C12orf42: variants seen among roughly 807,000 people sequenced by gnomAD.
C12orf42 encodes uncharacterized protein C12orf42.
In C12orf42, 25 loss-of-function variants were observed where a neutral mutation model predicts 21.6. The ratio of observed to expected loss-of-function variants is 1.16; its 90% CI spans 0.84 to 1.62. C12orf42 has a LOEUF of 1.62. Ranked by LOEUF, C12orf42 falls within the 40% of genes most tolerant of loss-of-function variation. C12orf42 has a pLI of 0.00. For missense variants in C12orf42, 483 were observed against 459.3 expected, an observed-to-expected ratio of 1.05 and a Z score of -0.47; for synonymous variants, 174 against 175.0, an observed-to-expected ratio of 0.99 and a Z score of 0.05.
rs955291235 is a variant in C12orf42 at position 103,435,786 on chromosome 12, G to A, written c.79-34111C>T. Among the ~76,000 whole-genome samples the A allele has an allele frequency of 6.6e-5, 10 of 152,266 alleles. No individual in the cohort carries two copies. The East Asian group carries it at 7.7e-4, about 12-fold the overall frequency. ...AAATCTACGTCTGATTGGTGTACCC[G>A]AAAGTGATGGGGAGAATGGAACCAA... On this transcript the variant is annotated intron_variant, in intron 2 of 5. Transcript: ENST00000548883.
At chr12:103,468,423 C>T (rs1282757594) in intron 2 of C12orf42, among the ~76,000 whole-genome samples, 2 of 152,202 alleles carry the variant, frequency 1.3e-5, no homozygotes, top group Non-Finnish European at 2.9e-5. Context: ...GTAATAGTTA[C>T]ATTCATAGGA....
chr12:103,329,829 A>G (rs1396879069), intron 4 of C12orf42, among the ~76,000 whole-genome samples: 2 of 151,982 alleles, frequency 1.3e-5, no homozygotes, highest in Admixed American at 1.3e-4. Context: ...TATTGCTACA[A>G]ATAGACAAAT....
At chr12:103,391,252 T>C (rs2047055183) in intron 3 of C12orf42, among the ~76,000 whole-genome samples, 1 of 152,186 alleles carries the variant, frequency 6.6e-6, no homozygotes, top group African/African-American at 2.4e-5. Context: ...TGAACACTGG[T>C]ATACAAGTAT....
the C12orf42 span, chr12:103,168,284 A>G: frequency 3.7e-6 from 1 of 272,802 alleles, no homozygotes; most frequent in South Asian, 3.4e-5. Context: ...GGGAAATATA[A>G]ATATGACTCA....
intron 4 of C12orf42, among the ~76,000 whole-genome samples, chr12:103,366,083 C>G (rs2044575797): frequency 6.6e-6 from 1 of 152,088 alleles, no homozygotes; most frequent in African/African-American, 2.4e-5. Context: ...GCCATAGTCA[C>G]CAAAACAGCA....
At chr12:103,239,727 G>A (rs957275758) in intron 10 of C12orf42, among the ~76,000 whole-genome samples, 2 of 152,078 alleles carry the variant, frequency 1.3e-5, no homozygotes, top group Admixed American at 6.6e-5. Flanking sequence ...CTTGGAAGTG[G>A]GTGTGCATGA....
the C12orf42 span, among the ~76,000 whole-genome samples, chr12:103,076,782 C>T: frequency 0.023 from 3,530 of 152,104 alleles, 62 homozygotes; most frequent in African/African-American, 0.046. Flanking sequence ...TTATAAATAC[C>T]TACTCACTTA....
rs375440171 is a variant in C12orf42 at position 103,478,415 on chromosome 12, C to T, written c.12G>A (p.Val4=). MST[V]ICMKQREEEF... is the part of the protein sequence containing the mutation. ...CTTCTTCCCTTTGTTTCATACATAT[C>T]ACTGTAGACATTAATTTGACAAGTT... Residue 4 remains valine (V), a synonymous_variant, in exon 2 of 6, where the codon GTG becomes GTA. Coordinates refer to ENST00000548883, the MANE Select transcript of C12orf42 (RefSeq NM_198521.5). The T allele has an allele frequency of 1.9e-6, 3 of 1,585,810 alleles. No individual in the cohort carries two copies. In the South Asian group the frequency reaches 3.5e-5, roughly 18 times the overall value.
intron 2 of C12orf42, among the ~76,000 whole-genome samples, chr12:103,431,884 G>A (rs535313212): frequency 6.6e-6 from 1 of 152,300 alleles, no homozygotes; most frequent in East Asian, 1.9e-4. Flanking sequence ...GGGGCATAAG[G>A]CAGGAGAGAA....
chr12:103,159,751 C>T, the C12orf42 span, among the ~76,000 whole-genome samples: 1 of 152,212 alleles, frequency 6.6e-6, no homozygotes, highest in African/African-American at 2.4e-5. Flanking sequence ...TCATGGTCCC[C>T]TCCAGTTGTA....
At chr12:103,326,328 C>T (rs570382176) in intron 4 of C12orf42, among the ~76,000 whole-genome samples, 1 of 152,324 alleles carries the variant, frequency 6.6e-6, no homozygotes, top group East Asian at 1.9e-4. Flanking sequence ...ACCTCACAAC[C>T]AAGGTCCAGC....
intron 2 of C12orf42, among the ~76,000 whole-genome samples, chr12:103,444,844 TA>T (rs1951481312): frequency 6.6e-6 from 1 of 152,102 alleles, no homozygotes; most frequent in Non-Finnish European, 1.5e-5. Context: ...TTCTTTTCTT[TA>T]AATGTCTTTT....
the C12orf42 span, among the ~76,000 whole-genome samples, chr12:103,224,621 C>A: frequency 6.6e-6 from 1 of 152,156 alleles, no homozygotes; most frequent in Non-Finnish European, 1.5e-5. Context: ...GTGAGTACAG[C>A]TGAAGGAGCC....
At chr12:103,144,223 T>C in the C12orf42 span, among the ~76,000 whole-genome samples, 2 of 151,398 alleles carry the variant, frequency 1.3e-5, no homozygotes, top group Admixed American at 6.6e-5. Context: ...TTCATTCTGT[T>C]AATAGAAAAA....
chr12:103,530,097 A>G, the C12orf42 span, among the ~76,000 whole-genome samples: 2 of 152,254 alleles, frequency 1.3e-5, no homozygotes, highest in Non-Finnish European at 2.9e-5. Flanking sequence ...TTACACAGCT[A>G]GTGGAGATTG....
At chr12:103,170,554 G>C in the C12orf42 span, among the ~76,000 whole-genome samples, 1 of 150,594 alleles carries the variant, frequency 6.6e-6, no homozygotes, top group Admixed American at 6.6e-5. Flanking sequence ...CACATACTCT[G>C]TTCTCTATAT....
At chr12:103,448,476 A>T (rs1267812126) in intron 2 of C12orf42, among the ~76,000 whole-genome samples, 2 of 152,104 alleles carry the variant, frequency 1.3e-5, no homozygotes, top group African/African-American at 4.8e-5. Flanking sequence ...GCAGAGCAAA[A>T]GAAATAATCA....
the C12orf42 span, among the ~76,000 whole-genome samples, chr12:103,215,436 C>T: frequency 6.6e-6 from 1 of 152,040 alleles, no homozygotes; most frequent in Admixed American, 6.6e-5. Flanking sequence ...AGTATCCCTC[C>T]TGGCCTCTTA....
intron 4 of C12orf42, among the ~76,000 whole-genome samples, chr12:103,281,902 A>AAG (rs2036140462): frequency 1.4e-5 from 2 of 145,052 alleles, no homozygotes; most frequent in South Asian, 2.2e-4. Context: ...AGAAAGAAAG[A>AAG]AAAGAAGAAA....
Sources: gnomAD v4.1 joint callset for allele counts (sites outside exome capture counted in the v4.1 genomes callset) on GRCh38, gnomAD v4.1.1 for gene constraint, MANE v1.5 for transcripts, NCBI Gene and HGNC (gene_info 2026-07-23, HGNC 2026-07-21) for gene names.